Variants in MAP4K3 observed in about 807,000 individuals in gnomAD.
MAP4K3 encodes mitogen-activated protein kinase kinase kinase kinase 3.
In MAP4K3, 94 loss-of-function variants were observed where a neutral mutation model predicts 143.5. The ratio of observed to expected loss-of-function variants is 0.65; its 90% CI spans 0.55 to 0.78. MAP4K3 has a LOEUF of 0.78. Ranked by LOEUF, MAP4K3 falls within the 30% of genes least tolerant of loss-of-function variation. The pLI is 0.00. For synonymous variants in MAP4K3, 416 were observed against 347.2 expected (o/e 1.20, Z -2.20); for missense variants, 1,077 against 1,068.1 (o/e 1.01, Z -0.12).
At chr2:39,391,067 T>TAA (rs1388007995) in intron 1 of MAP4K3, among the ~76,000 whole-genome samples, 3 of 152,038 alleles carry the variant, frequency 2.0e-5, no homozygotes, top group African/African-American at 7.2e-5. Flanking sequence ...AAATAATACA[T>TAA]ACTATAGGCC....
chr2:39,377,990 A>C, intron 2 of MAP4K3, 76 bp downstream of exon 2: 1 of 876,378 alleles, frequency 1.1e-6, no homozygotes, highest in South Asian at 1.5e-5. Flanking sequence ...AATGTTAACC[A>C]AACATCATTA....
chr2:39,316,988 C>T (rs1241762168), intron 12 of MAP4K3, among the ~76,000 whole-genome samples: 2 of 152,090 alleles, frequency 1.3e-5, no homozygotes, highest in African/African-American at 4.8e-5. Context: ...ACACTACAGG[C>T]ATCACATTAC....
At chr2:39,329,708 G>T (rs962129176) in intron 8 of MAP4K3, among the ~76,000 whole-genome samples, 3 of 152,146 alleles carry the variant, frequency 2.0e-5, no homozygotes, top group Non-Finnish European at 2.9e-5. Flanking sequence ...AGAGACACCA[G>T]GAACCAAGGA....
chr2:39,253,272 T>G (rs2148430146), intron 32 of MAP4K3, among the ~76,000 whole-genome samples: 1 of 152,282 alleles, frequency 6.6e-6, no homozygotes, highest in Non-Finnish European at 1.5e-5. Context: ...TAGCTGGGAC[T>G]AGAGGCACGC....
chr2:39,356,958 G>A (rs180984020), intron 2 of MAP4K3, among the ~76,000 whole-genome samples: 2 of 152,302 alleles, frequency 1.3e-5, no homozygotes, highest in African/African-American at 2.4e-5. Flanking sequence ...TGTTTGTAGA[G>A]CTGAGAGGCC....
At chr2:39,347,456 T>C (rs943937875) in intron 3 of MAP4K3, among the ~76,000 whole-genome samples, 3 of 152,168 alleles carry the variant, frequency 2.0e-5, no homozygotes, top group African/African-American at 4.8e-5. Flanking sequence ...AAAAAACAGG[T>C]TGAATGACTG....
chr2:39,378,998 A>T (rs1666293519), intron 1 of MAP4K3, among the ~76,000 whole-genome samples: 1 of 152,058 alleles, frequency 6.6e-6, no homozygotes, highest in Non-Finnish European at 1.5e-5. Context: ...TCAATTTGAT[A>T]TTTTAAACTG....
In MAP4K3 at chr2:39,326,223, A is replaced by C; in HGVS notation, c.585T>G (p.Cys195Trp). ...VERKGGYNQL[C>W]DLWAVGITAI... Reference sequence around the variant, plus strand: ...CAGTGATTCCCACTGCCCAGAGATCACAGAGTTGATTGTAACCCCCCTTCC... The same window carrying C: ...CAGTGATTCCCACTGCCCAGAGATCCCAGAGTTGATTGTAACCCCCCTTCC... Residue 195 changes from cysteine (C) to tryptophan (W), a missense_variant, in exon 9 of 34, where the codon TGT becomes TGG. Around this residue, in one of 2 missense-constraint regions of MAP4K3, gnomAD observed 213 missense variants for 266.8 expected, o/e 0.80. Transcript: ENST00000263881. The C allele has an allele frequency of 6.2e-7, 1 of 1,614,010 alleles. No individual in the cohort carries two copies. Among genetic ancestry groups the C allele is most frequent in the Non-Finnish European group, 8.5e-7 (1 of 1,179,924 alleles).
chr2:39,254,363 G>T, intron 32 of MAP4K3, 87 bp downstream of exon 32: 2 of 1,042,840 alleles, frequency 1.9e-6, no homozygotes, highest in Non-Finnish European at 3.0e-6. Context: ...AGCCAATCAA[G>T]CATTACTTGT....
intron 2 of MAP4K3, among the ~76,000 whole-genome samples, chr2:39,375,497 G>T (rs1420625878): frequency 2.0e-5 from 3 of 152,080 alleles, no homozygotes; most frequent in Non-Finnish European, 4.4e-5. Context: ...AAGGAAAAAA[G>T]ATAAAAAGAA....
chr2:39,354,904 T>C (rs1285336001), intron 3 of MAP4K3, among the ~76,000 whole-genome samples: 2 of 152,164 alleles, frequency 1.3e-5, no homozygotes, highest in African/African-American at 4.8e-5. Flanking sequence ...TTACAGTATG[T>C]TGGATGTTGC....
At chr2:39,264,904 G>A (rs899712935) in intron 28 of MAP4K3, among the ~76,000 whole-genome samples, 1 of 152,144 alleles carries the variant, frequency 6.6e-6, no homozygotes, top group Admixed American at 6.5e-5. Context: ...ACCAGAGAGT[G>A]TATTCAAAAT....
chr2:39,375,853 T>A (rs1194193509), intron 2 of MAP4K3, among the ~76,000 whole-genome samples: 1 of 152,208 alleles, frequency 6.6e-6, no homozygotes, highest in South Asian at 2.1e-4. Context: ...CAGTTTTGTG[T>A]GTCTAGCTCC....
rs1216228024 is a variant in MAP4K3, at chr2:39,260,776, T to C, written c.2138A>G (p.His713Arg). 1.2e-6 allele frequency: 2 copies of C among 1,603,838 alleles called. No homozygotes were observed. The highest frequency in any genetic ancestry group is 4.5e-5 in the East Asian group (2 of 44,806). The change falls in exon 29 of 34, where the codon CAC (histidine) becomes CGC (arginine). Residue 713 changes from histidine to arginine, a missense_variant and splice_region_variant. His to Arg is a conservative substitution (Grantham distance 29, BLOSUM62 0). Coordinates refer to ENST00000263881, the MANE Select transcript of MAP4K3 (RefSeq NM_003618.4). The part of the protein sequence containing the change: ...EPMQKFMLIK[H>R]IDFPIPCPLR... ...TGGACATGGTATAGGAAAATCTATG[T>C]GCTAGAGAAAGAAACAAAAATACAT...
chr2:39,409,650 C>G (rs977370199), intron 1 of MAP4K3, among the ~76,000 whole-genome samples: 1 of 151,884 alleles, frequency 6.6e-6, no homozygotes, highest in African/African-American at 2.4e-5. Context: ...GAACAGAAAT[C>G]GGAAGAGAAA....
intron 12 of MAP4K3, among the ~76,000 whole-genome samples, chr2:39,325,231 C>T (rs556525301): frequency 1.3e-5 from 2 of 152,094 alleles, no homozygotes; most frequent in African/African-American, 2.4e-5. Context: ...GCAACTTCAC[C>T]AAAAATGGCT....
At chr2:39,299,292 T>A (rs890195204) in intron 16 of MAP4K3, among the ~76,000 whole-genome samples, 1 of 152,176 alleles carries the variant, frequency 6.6e-6, no homozygotes, top group Non-Finnish European at 1.5e-5. Context: ...CTTTTAAGAA[T>A]TCAGACACAC....
Position 39,290,343 on chromosome 2 carries a change from A to C in MAP4K3, c.1272-9T>G. 1 of 1,590,752 alleles carries C rather than the reference A, an allele frequency of 6.3e-7. No individual in the cohort carries two copies. The highest frequency in any genetic ancestry group is 8.6e-7 in the Non-Finnish European group (1 of 1,164,478). On this transcript the variant is annotated splice_polypyrimidine_tract_variant and intron_variant, in intron 18 of 33. Transcript: ENST00000263881. Reference sequence around the variant, plus strand: ...TTGCTTTCAGAGTTGAGCTAAAAACAGAAAAGTTTAGAATCAGAACTATTC... The same window carrying C: ...TTGCTTTCAGAGTTGAGCTAAAAACCGAAAAGTTTAGAATCAGAACTATTC...
At chr2:39,349,853 T>C (rs1017440736) in intron 3 of MAP4K3, among the ~76,000 whole-genome samples, 2 of 152,206 alleles carry the variant, frequency 1.3e-5, no homozygotes, top group African/African-American at 4.8e-5. Flanking sequence ...CACCCATTTT[T>C]TTACAAAATA....
Sources: allele counts gnomAD v4.1 joint callset (sites outside exome capture counted in the v4.1 genomes callset), GRCh38; gene constraint gnomAD v4.1.1; regional missense constraint gnomAD v4.1.1; transcripts MANE v1.5; gene names NCBI Gene and HGNC (gene_info 2026-07-23, HGNC 2026-07-21).